PLSCR2: variants seen among roughly 807,000 people sequenced by gnomAD.
PLSCR2 encodes PL scramblase 2.
A neutral mutation model predicts 25.3 loss-of-function variants in PLSCR2; 18 were observed. The ratio of observed to expected loss-of-function variants is 0.71; its 90% confidence interval spans 0.49 to 1.06. The LOEUF is 1.06. Among genes scored for constraint, PLSCR2 ranks in the 50% least tolerant of loss-of-function variants. PLSCR2 has a pLI of 0.00. For synonymous variants in PLSCR2, 88 were observed against 87.3 expected, an observed-to-expected ratio of 1.01 and a Z score of -0.04; for missense variants, 243 against 269.5, an observed-to-expected ratio of 0.90 and a Z score of 0.69.
At chr3:146,411,534 G>A (rs901770763) in intron 2 of PLSCR2, among the ~76,000 whole-genome samples, 1 of 152,208 alleles carries the variant, frequency 6.6e-6, no homozygotes, top group African/African-American at 2.4e-5. Flanking sequence ...CGAGCCAGCC[G>A]TCCTTCCGGG....
intron 1 of PLSCR2, among the ~76,000 whole-genome samples, chr3:146,479,456 A>T (rs1235178116): frequency 6.6e-6 from 1 of 152,232 alleles, no homozygotes; most frequent in Non-Finnish European, 1.5e-5. Flanking sequence ...TCTCTGGTAA[A>T]ACAGAATTTA....
chr3:146,435,527 G>C (rs1038659674), intron 8 of PLSCR2, among the ~76,000 whole-genome samples: 4 of 152,178 alleles, frequency 2.6e-5, no homozygotes, highest in Non-Finnish European at 5.9e-5. Flanking sequence ...GGCCAGAGAT[G>C]ATGAGCATTT....
intron 2 of PLSCR2, among the ~76,000 whole-genome samples, chr3:146,424,536 A>T (rs2039270323): frequency 6.6e-6 from 1 of 152,128 alleles, no homozygotes; most frequent in African/African-American, 2.4e-5. Context: ...GTAGATGGTT[A>T]TGCCAGCAAT....
chr3:146,462,099 T>A, upstream of PLSCR2: 1 of 488,028 alleles, frequency 2.0e-6, no homozygotes, highest in South Asian at 3.3e-5. Flanking sequence ...ATGCTGTCTA[T>A]ACATTTGTAG....
downstream of PLSCR2, among the ~76,000 whole-genome samples, chr3:146,439,883 G>T (rs138996040): frequency 6.6e-6 from 1 of 152,142 alleles, no homozygotes; most frequent in Non-Finnish European, 1.5e-5. Context: ...TTTCTGCTCT[G>T]GTTTCTTCCC....
Position 146,490,130 on chromosome 3 carries a change from G to A in PLSCR2, c.-293+5765C>T, listed in dbSNP as rs115422285. 6.2e-4 allele frequency among the ~76,000 whole-genome samples: 95 copies of A among 152,142 alleles called. 1 individual carries two copies. The highest frequency in any genetic ancestry group is 3.4e-3 in the Middle Eastern group (1 of 294). On this transcript the variant is annotated intron_variant, in intron 1 of 8. Coordinates refer to the PLSCR2 transcript ENST00000336685. ...AATTTCTCTCTTACTGTGGACTTCT[G>A]AAACTGGAAAAGTAGTTAGTGCTCC... is the stretch of plus-strand genomic sequence containing the variant.
At chr3:146,407,862 A>G (rs1328411159) in intron 2 of PLSCR2, among the ~76,000 whole-genome samples, 1 of 152,158 alleles carries the variant, frequency 6.6e-6, no homozygotes. Context: ...AGCTGCTACC[A>G]TCTGTGAACA....
intron 1 of PLSCR2, among the ~76,000 whole-genome samples, chr3:146,477,807 C>T (rs978417528): frequency 6.6e-6 from 1 of 152,214 alleles, no homozygotes. Context: ...CCTCGTGTAG[C>T]CTAACTGGGA....
At chr3:146,468,449 A>C (rs899103126) in intron 1 of PLSCR2, among the ~76,000 whole-genome samples, 4 of 152,244 alleles carry the variant, frequency 2.6e-5, no homozygotes, top group African/African-American at 7.2e-5. Flanking sequence ...TGGCCATGCC[A>C]AGACTTCCAG....
At chr3:146,410,853 C>T (rs1366398709) in intron 2 of PLSCR2, among the ~76,000 whole-genome samples, 1 of 152,178 alleles carries the variant, frequency 6.6e-6, no homozygotes, top group African/African-American at 2.4e-5. Context: ...GCCGCTCCCC[C>T]TGAGGGGACT....
chr3:146,399,908 A>G (rs186779760), intron 2 of PLSCR2, among the ~76,000 whole-genome samples: 2 of 151,808 alleles, frequency 1.3e-5, no homozygotes, highest in East Asian at 1.9e-4. Context: ...TATGGTGGTA[A>G]TGGTGGTATG....
chr3:146,438,602 C>CT (rs1193653782), downstream of PLSCR2, among the ~76,000 whole-genome samples: 2 of 151,962 alleles, frequency 1.3e-5, no homozygotes, highest in African/African-American at 2.4e-5. Context: ...GCAAACCCTG[C>CT]TTTTTTTTGT....
At chr3:146,433,377 T>C (rs1256377363) in exon 9 of PLSCR2, 1 of 152,108 alleles carries the variant, frequency 6.6e-6, no homozygotes, top group Non-Finnish European at 1.5e-5. Flanking sequence ...CAATGCGAAA[T>C]GTTTATCTAG....
At chr3:146,485,448 A>G (rs1354776966) in intron 1 of PLSCR2, among the ~76,000 whole-genome samples, 1 of 152,054 alleles carries the variant, frequency 6.6e-6, no homozygotes, top group Admixed American at 6.6e-5. Context: ...GATCAAGTGG[A>G]CTCTGATGGA....
intron 1 of PLSCR2, among the ~76,000 whole-genome samples, chr3:146,478,054 T>C (rs1260073851): frequency 1.3e-5 from 2 of 152,174 alleles, no homozygotes; most frequent in Non-Finnish European, 2.9e-5. Context: ...CTGAAAGGAA[T>C]AGCATCAACA....
chr3:146,401,316 G>A (rs1021709197), intron 2 of PLSCR2: 1 of 152,390 alleles, frequency 6.6e-6, no homozygotes, highest in Non-Finnish European at 1.5e-5. Context: ...CATACTGTCC[G>A]GCATTGAGGC....
intron 1 of PLSCR2, among the ~76,000 whole-genome samples, chr3:146,485,114 A>G (rs999857341): frequency 1.2e-3 from 79 of 66,116 alleles, no homozygotes; most frequent in African/African-American, 4.5e-3. Context: ...AACTGGAAAG[A>G]AAAAAAAAAA....
In PLSCR2 at chr3:146,495,794, G is replaced by A. The variant is rs964352152; in HGVS notation, c.-293+101C>T. On this transcript the variant is annotated intron_variant, in intron 1 of 8. Coordinates refer to the PLSCR2 transcript ENST00000336685. ...GTTTAAGGTCCCCATTAGGTAGTTC[G>A]TGAATAGGAACATATGCATAAACAA... 30 of 875,564 alleles carry A rather than the reference G, an allele frequency of 3.4e-5. 1 individual carries two copies. In the Middle Eastern group the frequency reaches 8.8e-4, roughly 26 times the overall value. The allele number at this position is 875,564 out of a possible 1,614,324, so 54.2% of individuals were successfully genotyped here.
intron 6 of PLSCR2, among the ~76,000 whole-genome samples, 157 bp downstream of exon 6, chr3:146,449,049 C>T (rs1342747038): frequency 6.6e-6 from 1 of 152,158 alleles, no homozygotes; most frequent in East Asian, 1.9e-4. Context: ...TCCAGAGTAT[C>T]AGAATCAAAT....
Sources: gnomAD v4.1 joint callset for allele counts (sites outside exome capture counted in the v4.1 genomes callset) on GRCh38, gnomAD v4.1.1 for gene constraint, MANE v1.5 for transcripts, NCBI Gene and HGNC (gene_info 2026-07-23, HGNC 2026-07-21) for gene names.